Variants in ENTPD5 observed in about 807,000 individuals in gnomAD.
ENTPD5 encodes nucleoside diphosphate phosphatase ENTPD5.
In ENTPD5, 49 loss-of-function variants were observed where a neutral mutation model predicts 60.2. The observed-to-expected ratio is 0.81, with a 90% CI of 0.65 to 1.03. The LOEUF (loss-of-function observed/expected upper bound fraction) is 1.03. ENTPD5 is among the 50% of genes least tolerant of loss of function. The pLI is 0.00. For synonymous variants in ENTPD5, 187 were observed against 185.4 expected (o/e 1.01, Z -0.07); for missense variants, 480 against 507.6 (o/e 0.95, Z 0.52).
chr14:73,958,468 C>T, downstream of ENTPD5: 1 of 1,444,996 alleles, frequency 6.9e-7, no homozygotes, highest in South Asian at 1.3e-5. Context: ...GGAGCAATCT[C>T]ATGGGCCGTC....
Position 73,964,035 on chromosome 14 carries a change from G to A in ENTPD5, c.*2893C>T, listed in dbSNP as rs1178670005. On this transcript the variant is annotated 3_prime_UTR_variant, in exon 16 of 16. Coordinates refer to ENST00000334696, the MANE Select transcript of ENTPD5 (RefSeq NM_001249.5). ...AAGAATTAAAGATGGCAGCTGCTGTGAAAAGCTGTGTGACTCCTGGCGGAG... is the reference window on the plus strand; with the variant it reads ...AAGAATTAAAGATGGCAGCTGCTGTAAAAAGCTGTGTGACTCCTGGCGGAG... 6.6e-6 allele frequency: 1 copy of A among 152,196 alleles called. No individual in the cohort carries two copies. The highest frequency in any genetic ancestry group is 1.5e-5 in the Non-Finnish European group (1 of 68,040). 9.4% of individuals were successfully genotyped at this position (152,196 alleles called of 1,614,324 possible).
chr14:73,972,798 G>T, intron 13 of ENTPD5, 86 bp downstream of exon 13: 3 of 1,479,710 alleles, frequency 2.0e-6, no homozygotes, highest in Non-Finnish European at 2.7e-6. Flanking sequence ...CCCCGACAAA[G>T]CACCTCAAGT....
In ENTPD5 at chr14:73,963,796, T is replaced by C. The variant is rs1201635507; in HGVS notation, c.*3132A>G. On this transcript the variant is annotated 3_prime_UTR_variant, in exon 16 of 16. Coordinates refer to ENST00000334696, the MANE Select transcript of ENTPD5 (RefSeq NM_001249.5). ...AGAGATTTTTAGGTTGTAGGTTTGC[T>C]TACTCTAAAGAACATCTTGCCCAGA... is the stretch of plus-strand genomic sequence containing the variant. 1 of 152,204 alleles carries C rather than the reference T, an allele frequency of 6.6e-6. No individual in the cohort carries two copies. Among genetic ancestry groups the C allele is most frequent in the Non-Finnish European group, 1.5e-5 (1 of 68,058 alleles). 9.4% of individuals were successfully genotyped at this position (152,204 alleles called of 1,614,324 possible). A position where few individuals can be genotyped will look rare whatever the true frequency, so the allele number is the denominator to read the frequency against.
At chr14:73,956,054 G>A (rs567228483), downstream of ENTPD5, 161 of 1,407,694 alleles carry the variant, frequency 1.1e-4, no homozygotes, top group South Asian at 7.4e-4. Flanking sequence ...GCCGGGTGCG[G>A]TGGCTCACGC....
In ENTPD5 at chr14:74,016,976, G is replaced by A. The variant is rs372138931; in HGVS notation, c.-237-1046C>T. 6.6e-5 allele frequency among the ~76,000 whole-genome samples: 10 copies of A among 152,296 alleles called. No homozygotes were observed. The East Asian group carries it at 1.3e-3, about 21-fold the overall frequency. On this transcript the variant is annotated intron_variant, in intron 1 of 15. Coordinates refer to ENST00000334696, the MANE Select transcript of ENTPD5 (RefSeq NM_001249.5). ...AAACTCTTCAATATATGGCGATTCCGCCTATGGACTCACGGGAGTGTGAAA... is the reference window on the plus strand; with the variant it reads ...AAACTCTTCAATATATGGCGATTCCACCTATGGACTCACGGGAGTGTGAAA...
chr14:73,970,196 A>G, intron 14 of ENTPD5, 71 bp from the exon 15 acceptor site: 1 of 1,184,070 alleles, frequency 8.4e-7, no homozygotes, highest in Non-Finnish European at 1.3e-6. Flanking sequence ...TCTCTTAGAA[A>G]GAAGTGGAAT....
chr14:73,984,680 CTTT>C (rs1194952306), intron 5 of ENTPD5, among the ~76,000 whole-genome samples: 2 of 151,418 alleles, frequency 1.3e-5, no homozygotes, highest in Non-Finnish European at 2.9e-5. Context: ...CCTAATTTTT[CTTT>C]TTTAATTATT....
At chr14:73,959,332 G>A (rs141046392), downstream of ENTPD5, 9 of 1,614,138 alleles carry the variant, frequency 5.6e-6, no homozygotes, top group Non-Finnish European at 7.6e-6. Context: ...CTGTTTGTAA[G>A]TTCCCTTTTT....
At chr14:73,982,212 C>T (rs1302541302) in intron 6 of ENTPD5, among the ~76,000 whole-genome samples, 4 of 151,882 alleles carry the variant, frequency 2.6e-5, no homozygotes, top group African/African-American at 9.7e-5. Context: ...GTAGCTGGGA[C>T]TACAGGCGTG....
At chr14:73,955,616 T>C (rs1172848881), downstream of ENTPD5, 2 of 1,367,052 alleles carry the variant, frequency 1.5e-6, no homozygotes, top group East Asian at 2.3e-5. Context: ...TCAGACAAGG[T>C]TCACATTCAG....
intron 3 of ENTPD5, chr14:73,996,804 A>T (rs1170613935): frequency 6.6e-6 from 1 of 152,264 alleles, no homozygotes; most frequent in East Asian, 1.9e-4. Context: ...TTATCTGGGC[A>T]TGGTGGCATG....
At chr14:73,972,836 C>T (rs747220170) in intron 13 of ENTPD5, 48 bp downstream of exon 13, 2 of 1,602,418 alleles carry the variant, frequency 1.2e-6, no homozygotes, top group East Asian at 2.2e-5. Context: ...TTCCCCACCA[C>T]AGCCCTATCC....
At chr14:73,992,129 C>T (rs2058161681) in intron 3 of ENTPD5, among the ~76,000 whole-genome samples, 1 of 152,078 alleles carries the variant, frequency 6.6e-6, no homozygotes. Flanking sequence ...AGCTTCCTGA[C>T]TTGCACTTTA....
At chr14:74,016,029 A>C (rs982572433) in intron 1 of ENTPD5, 99 bp from the exon 2 acceptor site, 2 of 152,232 alleles carry the variant, frequency 1.3e-5, no homozygotes, top group African/African-American at 4.8e-5. Context: ...AACAAGGAAA[A>C]TTTATTTAGT....
chr14:73,997,826 T>C (rs987808673), intron 3 of ENTPD5, among the ~76,000 whole-genome samples: 1 of 152,158 alleles, frequency 6.6e-6, no homozygotes, highest in Non-Finnish European at 1.5e-5. Flanking sequence ...TGGAACATGC[T>C]GGACACCAGT....
At chr14:74,014,591 A>G (rs376414295) in intron 2 of ENTPD5, among the ~76,000 whole-genome samples, 2 of 152,190 alleles carry the variant, frequency 1.3e-5, no homozygotes, top group East Asian at 1.9e-4. Context: ...CTGTGGTAAC[A>G]TATCTTGTAT....
downstream of ENTPD5, chr14:73,961,103 T>G (rs1172129219): frequency 1.3e-6 from 2 of 1,526,576 alleles, no homozygotes; most frequent in African/African-American, 2.7e-5. Flanking sequence ...AAACAAGGTT[T>G]CTTTATTGAA....
chr14:73,984,896 T>C (rs4903165), intron 5 of ENTPD5, among the ~76,000 whole-genome samples: 84,410 of 151,874 alleles, frequency 0.56, 24,582 homozygotes, highest in Admixed American at 0.65. Context: ...TTTCCCTCCC[T>C]GCTCCCGCCA....
At chr14:73,993,857 G>A (rs1396636094) in intron 3 of ENTPD5, among the ~76,000 whole-genome samples, 1 of 149,996 alleles carries the variant, frequency 6.7e-6, no homozygotes, top group African/African-American at 2.5e-5. Flanking sequence ...GTAAATATTT[G>A]TTTTTCTTCC....
Sources: allele counts gnomAD v4.1 joint callset (sites outside exome capture counted in the v4.1 genomes callset), GRCh38; gene constraint gnomAD v4.1.1; transcripts MANE v1.5; gene names NCBI Gene and HGNC (gene_info 2026-07-23, HGNC 2026-07-21).